The following LGR5 variants were observed in gnomAD, a reference collection of about 807,000 sequenced individuals.
LGR5 encodes the protein leucine rich repeat containing G protein-coupled receptor 5.
LGR5 carries 54 observed loss-of-function variants against 76.7 expected under a neutral mutation model. The observed-to-expected ratio is 0.70, with a 90% CI of 0.57 to 0.88. The LOEUF is 0.88. Ranked by LOEUF, LGR5 falls within the 40% of genes least tolerant of loss-of-function variation. The pLI is 0.00. For missense variants in LGR5, 1,078 were observed against 1,073.3 expected (o/e 1.00, Z -0.06); for synonymous variants, 406 against 421.9 (o/e 0.96, Z 0.46).
intron 4 of LGR5, among the ~76,000 whole-genome samples, chr12:71,535,898 T>G (rs1341358806): frequency 6.6e-6 from 1 of 152,206 alleles, no homozygotes; most frequent in Non-Finnish European, 1.5e-5. Context: ...TCTGAATAAA[T>G]AAAATTACTC....
chr12:71,447,123 G>A (rs766229742), intron 1 of LGR5, among the ~76,000 whole-genome samples: 1 of 152,176 alleles, frequency 6.6e-6, no homozygotes, highest in Non-Finnish European at 1.5e-5. Context: ...TGGATGAGAT[G>A]CGATACATTG....
intron 1 of LGR5, among the ~76,000 whole-genome samples, chr12:71,462,857 T>C (rs141222183): frequency 3.9e-5 from 6 of 152,302 alleles, no homozygotes; most frequent in Non-Finnish European, 7.3e-5. Context: ...ACTTCATTAA[T>C]ACATCCCAGA....
chr12:71,478,212 G>A (rs968280693), intron 1 of LGR5, among the ~76,000 whole-genome samples: 8 of 152,176 alleles, frequency 5.3e-5, no homozygotes, highest in Admixed American at 3.9e-4. Flanking sequence ...ACCAATAACA[G>A]TGAATTATTA....
At chr12:71,539,551 C>T (rs966611195) in intron 4 of LGR5, among the ~76,000 whole-genome samples, 7 of 152,154 alleles carry the variant, frequency 4.6e-5, no homozygotes, top group Non-Finnish European at 1.0e-4. Flanking sequence ...GATCTCAGCT[C>T]GCTGCAACCT....
intron 1 of LGR5, among the ~76,000 whole-genome samples, chr12:71,478,781 A>G (rs1039678806): frequency 1.1e-4 from 17 of 152,198 alleles, no homozygotes; most frequent in African/African-American, 3.6e-4. Context: ...ATTCTTTTGG[A>G]GAATTACATT....
intron 1 of LGR5, among the ~76,000 whole-genome samples, chr12:71,448,084 AACACAC>A (rs35911721): frequency 6.3e-4 from 92 of 145,678 alleles, no homozygotes; most frequent in African/African-American, 1.8e-3. Context: ...CACACACACA[AACACAC>A]ACACACACAC....
At chr12:71,496,391 A>AAAAGAG (rs1555169618) in intron 1 of LGR5, among the ~76,000 whole-genome samples, 12 of 115,070 alleles carry the variant, frequency 1.0e-4, no homozygotes, top group South Asian at 3.0e-4. Flanking sequence ...AAAAAAAAAA[A>AAAAGAG]AGAGAGAGAG....
At chr12:71,554,861 A>C (rs997649940) in intron 5 of LGR5, among the ~76,000 whole-genome samples, 35 of 152,212 alleles carry the variant, frequency 2.3e-4, no homozygotes, top group African/African-American at 7.2e-4. Context: ...AAAAATAATC[A>C]GTTTTCTTTA....
At chr12:71,574,263 A>G (rs1005566011) in intron 13 of LGR5, among the ~76,000 whole-genome samples, 2 of 124,130 alleles carry the variant, frequency 1.6e-5, no homozygotes, top group African/African-American at 6.0e-5. Context: ...AGATCACGCC[A>G]TTGCATCCAG....
intron 3 of LGR5, among the ~76,000 whole-genome samples, chr12:71,527,557 T>G (rs934454355): frequency 6.6e-6 from 1 of 152,246 alleles, no homozygotes; most frequent in African/African-American, 2.4e-5. Context: ...CTATTTCATA[T>G]GATTGTACTC....
intron 2 of LGR5, among the ~76,000 whole-genome samples, chr12:71,516,000 A>G (rs1421062092): frequency 1.3e-5 from 2 of 152,216 alleles, no homozygotes; most frequent in Admixed American, 1.3e-4. Context: ...AAATGTGGAC[A>G]ATAATAATCC....
At chr12:71,556,466 G>A (rs1877769304) in intron 5 of LGR5, among the ~76,000 whole-genome samples, 153 bp from the exon 6 acceptor site, 1 of 152,138 alleles carries the variant, frequency 6.6e-6, no homozygotes, top group Non-Finnish European at 1.5e-5. Flanking sequence ...ATCATCTGTG[G>A]TATGAGTGAA....
At chr12:71,508,558 A>G (rs564936185) in intron 2 of LGR5, among the ~76,000 whole-genome samples, 4 of 152,194 alleles carry the variant, frequency 2.6e-5, no homozygotes, top group Non-Finnish European at 4.4e-5. Context: ...GATCGAGACC[A>G]TCCTGGCCAA....
chr12:71,482,675 G>A (rs534562030), intron 1 of LGR5, among the ~76,000 whole-genome samples: 9 of 152,206 alleles, frequency 5.9e-5, no homozygotes, highest in Admixed American at 3.9e-4. Flanking sequence ...GGCACTTAGC[G>A]GGTAGAGCCA....
chr12:71,565,422 C>CTATATATATATATATATATATATATATA (rs1209363296), intron 8 of LGR5, among the ~76,000 whole-genome samples: 26 of 13,930 alleles, frequency 1.9e-3, no homozygotes, highest in South Asian at 3.3e-3. Context: ...ATCAATTGAG[C>CTATATATATATATATATATATATATATA]TATATATATA....
intron 1 of LGR5, among the ~76,000 whole-genome samples, chr12:71,466,075 C>A (rs1213814125): frequency 1.3e-5 from 2 of 152,198 alleles, no homozygotes; most frequent in Non-Finnish European, 2.9e-5. Flanking sequence ...GGCTGGTGTA[C>A]TTCAGTGATT....
At chr12:71,559,759 A>G in intron 7 of LGR5, 105 bp downstream of exon 7, 1 of 606,160 alleles carries the variant, frequency 1.6e-6, no homozygotes, top group Admixed American at 3.0e-5. Context: ...GAAAATTTTA[A>G]GTTTATATAA....
At chr12:71,577,464 C>G (rs12230807) in intron 13 of LGR5, among the ~76,000 whole-genome samples, 6,079 of 152,174 alleles carry the variant, frequency 0.04, 225 homozygotes, top group African/African-American at 0.1. Flanking sequence ...TTCTTGAAAG[C>G]ATCTTTGTGT....
At chr12:71,539,523 G>T (rs542016832) in intron 4 of LGR5, among the ~76,000 whole-genome samples, 2 of 152,240 alleles carry the variant, frequency 1.3e-5, no homozygotes, top group South Asian at 4.1e-4. Context: ...TGTTGCCCAG[G>T]CTGGAGTACA....
Sources: allele counts gnomAD v4.1 joint callset (sites outside exome capture counted in the v4.1 genomes callset), GRCh38; gene constraint gnomAD v4.1.1; transcripts MANE v1.5; gene names NCBI Gene and HGNC (gene_info 2026-07-23, HGNC 2026-07-21).